NLGN4X: variants seen among roughly 807,000 people sequenced by gnomAD.
NLGN4X encodes neuroligin 4 X-linked.
NLGN4X carries 3 observed loss-of-function variants against 40.3 expected under a neutral mutation model. The ratio of observed to expected loss-of-function variants is 0.07; its 90% CI spans 0.03 to 0.19. NLGN4X has a LOEUF of 0.19. NLGN4X is among the 10% of genes least tolerant of loss of function. The probability of loss-of-function intolerance (pLI) is 1.00; values close to 1 mark genes in which losing one functional copy is unlikely to be tolerated. For missense variants in NLGN4X, 382 were observed against 708.3 expected (o/e 0.54, Z 5.23); for synonymous variants, 270 against 306.8 (o/e 0.88, Z 1.25).
At chrX:6,160,471 AGAG>A (rs1175358499) in intron 1 of NLGN4X, among the ~76,000 whole-genome samples, 130 of 111,219 alleles carry the variant, frequency 1.2e-3, no homozygotes, top group Non-Finnish European at 6.8e-4. Flanking sequence ...CTCATATATA[AGAG>A]GAGTTGTTTC....
At chrX:6,051,956 G>A (rs1050934042) in intron 2 of NLGN4X, among the ~76,000 whole-genome samples, 1 of 110,838 alleles carries the variant, frequency 9.0e-6, no homozygotes, top group South Asian at 4.0e-4. Context: ...TTAGCCGACT[G>A]GAAGTAAGAG....
Position 6,084,011 on chromosome X carries a change from G to A in NLGN4X, c.473-54579C>T, listed in dbSNP as rs189963510. 3.2e-4 allele frequency among the ~76,000 whole-genome samples: 36 copies of A among 112,073 alleles called. No homozygotes were observed. In the East Asian group the frequency reaches 9.8e-3, roughly 31 times the overall value. On this transcript the variant is annotated intron_variant, in intron 2 of 5. Coordinates refer to ENST00000381095, the MANE Select transcript of NLGN4X (RefSeq NM_181332.3). ...CATACAATATACAGAATGAAGTCAA[G>A]AACAAATCCTAGGAAAAGTCAACAT... is the stretch of plus-strand genomic sequence containing the variant.
intron 2 of NLGN4X, among the ~76,000 whole-genome samples, chrX:6,087,869 TTGA>T (rs757843638): frequency 8.9e-6 from 1 of 112,661 alleles, no homozygotes; most frequent in Non-Finnish European, 1.9e-5. Context: ...GACATTGTTA[TTGA>T]TGAGTTCTAA....
At chrX:6,100,198 C>T (rs1347224649) in intron 2 of NLGN4X, among the ~76,000 whole-genome samples, 1 of 112,588 alleles carries the variant, frequency 8.9e-6, no homozygotes, top group Non-Finnish European at 1.9e-5. Context: ...CACCTTTAAG[C>T]GGTTTTCCGC....
At chrX:6,129,191 G>A (rs1343913310) in intron 2 of NLGN4X, among the ~76,000 whole-genome samples, 2 of 112,246 alleles carry the variant, frequency 1.8e-5, no homozygotes, top group African/African-American at 3.2e-5. Context: ...ACAACAGGTC[G>A]ACCATCCACA....
chrX:6,226,265 G>A (rs1926305103), intron 1 of NLGN4X, among the ~76,000 whole-genome samples: 1 of 109,085 alleles, frequency 9.2e-6, no homozygotes, highest in African/African-American at 3.3e-5. Flanking sequence ...ACAAAAAGAG[G>A]CTGACACCTG....
intron 3 of NLGN4X, among the ~76,000 whole-genome samples, chrX:5,945,261 A>C (rs1208123171): frequency 3.6e-5 from 4 of 111,565 alleles, no homozygotes; most frequent in Non-Finnish European, 7.5e-5. Flanking sequence ...GATGGATGGG[A>C]CAGGTCAGTG....
rs1406617469 is a variant in NLGN4X at position 5,987,661 on chromosome X, T to C, written c.625+41619A>G. 2.7e-5 allele frequency among the ~76,000 whole-genome samples: 3 copies of C among 112,647 alleles called. No individual in the cohort carries two copies. In the Admixed American group the frequency reaches 2.8e-4, roughly 11 times the overall value. On this transcript the variant is annotated intron_variant, in intron 3 of 5. Coordinates refer to ENST00000381095, the MANE Select transcript of NLGN4X (RefSeq NM_181332.3). ...TATTATTTGTGGTTTCTAATGGTTG[T>C]CTTTATATTGTCCATCTTGAAAATA...
At chrX:5,941,365 G>A (rs1168636972) in intron 3 of NLGN4X, among the ~76,000 whole-genome samples, 1 of 110,847 alleles carries the variant, frequency 9.0e-6, no homozygotes, top group Non-Finnish European at 1.9e-5. Context: ...AAATTTCCAT[G>A]GATCAGATTG....
At chrX:5,960,838 T>C (rs986396236) in intron 3 of NLGN4X, among the ~76,000 whole-genome samples, 8 of 111,376 alleles carry the variant, frequency 7.2e-5, no homozygotes, top group African/African-American at 2.6e-4. Flanking sequence ...AGTTCATTTT[T>C]AGGGCAAGGT....
intron 3 of NLGN4X, among the ~76,000 whole-genome samples, chrX:6,013,997 A>G (rs987083605): frequency 9.0e-6 from 1 of 110,568 alleles, no homozygotes; most frequent in Non-Finnish European, 1.9e-5. Context: ...CCTGGCCAAC[A>G]TGGTGAAAAC....
chrX:5,891,472 A>T lies in NLGN4X; in HGVS notation c.*1345T>A. On this transcript the variant is annotated 3_prime_UTR_variant, in exon 6 of 6. Coordinates refer to ENST00000381095, the MANE Select transcript of NLGN4X (RefSeq NM_181332.3). The stretch of plus-strand genomic sequence containing the variant: ...CCGAGTGCTTAAACAAAAAGGAAAG[A>T]CACATGTCTTCCTTCAATCTGATTA... 3.7e-6 allele frequency: 1 copy of T among 266,724 alleles called. No homozygotes were observed. The highest frequency in any genetic ancestry group is 6.9e-6 in the Non-Finnish European group (1 of 145,339). 22.0% of individuals were successfully genotyped at this position (266,724 alleles called of 1,213,427 possible).
At chrX:6,171,020 C>T (rs897033968) in intron 1 of NLGN4X, among the ~76,000 whole-genome samples, 8 of 111,598 alleles carry the variant, frequency 7.2e-5, no homozygotes, top group African/African-American at 1.6e-4. Context: ...GGTGGGATTT[C>T]GCCACATTGC....
intron 2 of NLGN4X, among the ~76,000 whole-genome samples, chrX:6,041,601 T>C (rs1282212926): frequency 8.9e-6 from 1 of 112,278 alleles, no homozygotes; most frequent in African/African-American, 3.2e-5. Context: ...TTATTCACTG[T>C]AGTTGGCATT....
intron 3 of NLGN4X, among the ~76,000 whole-genome samples, chrX:5,936,605 T>C (rs994637758): frequency 8.9e-6 from 1 of 111,758 alleles, no homozygotes; most frequent in Non-Finnish European, 1.9e-5. Flanking sequence ...CCCAGCTACG[T>C]CCCCTGAGAG....
chrX:6,022,390 A>C (rs191613151), intron 3 of NLGN4X, among the ~76,000 whole-genome samples: 67 of 112,593 alleles, frequency 6.0e-4, no homozygotes, highest in African/African-American at 1.9e-3. Context: ...TTCAAATAAA[A>C]TCCTTCATAA....
At chrX:5,919,973 C>T (rs1236174129) in intron 3 of NLGN4X, among the ~76,000 whole-genome samples, 2 of 111,608 alleles carry the variant, frequency 1.8e-5, no homozygotes, top group Non-Finnish European at 1.9e-5. Flanking sequence ...TGGAAGGCCC[C>T]GTCAATACAT....
intron 3 of NLGN4X, among the ~76,000 whole-genome samples, chrX:5,965,187 G>A (rs924293941): frequency 9.8e-5 from 11 of 112,011 alleles, no homozygotes; most frequent in Non-Finnish European, 2.1e-4. Flanking sequence ...AGCATCTAGA[G>A]TAGTTTGACA....
At chrX:6,076,908 T>C (rs905658025) in intron 2 of NLGN4X, among the ~76,000 whole-genome samples, 3 of 112,444 alleles carry the variant, frequency 2.7e-5, no homozygotes, top group Non-Finnish European at 3.7e-5. Flanking sequence ...AGTGTGTTCA[T>C]TTCAAATGGC....
Sources: gnomAD v4.1 joint callset for allele counts (sites outside exome capture counted in the v4.1 genomes callset) on GRCh38, gnomAD v4.1.1 for gene constraint, MANE v1.5 for transcripts, NCBI Gene and HGNC (gene_info 2026-07-23, HGNC 2026-07-21) for gene names.